The following STX8 variants were observed in gnomAD, a reference collection of about 807,000 sequenced individuals.
STX8 encodes the protein syntaxin-8.
A neutral mutation model predicts 37.5 loss-of-function variants in STX8; 23 were observed. The observed-to-expected ratio is 0.61, with a 90% CI of 0.44 to 0.87. The LOEUF is 0.87. STX8 is among the 40% of genes least tolerant of loss of function. STX8 has a pLI of 0.00. For missense variants in STX8, 313 were observed against 284.7 expected (o/e 1.10, Z -0.71); for synonymous variants, 115 against 99.1 (o/e 1.16, Z -0.95).
chr17:9,350,841 T>G (rs1381097124), intron 7 of STX8, among the ~76,000 whole-genome samples: 1 of 152,048 alleles, frequency 6.6e-6, no homozygotes, highest in African/African-American at 2.4e-5. Context: ...CCTAAAATGT[T>G]TTTATCTTTT....
At chr17:9,333,222 T>C (rs532415345) in intron 7 of STX8, among the ~76,000 whole-genome samples, 66 of 152,202 alleles carry the variant, frequency 4.3e-4, no homozygotes, top group Admixed American at 2.6e-3. Context: ...CAGTATCCAA[T>C]AGGTGGTTTT....
chr17:9,440,496 T>C (rs541834055), intron 6 of STX8, among the ~76,000 whole-genome samples: 3 of 151,928 alleles, frequency 2.0e-5, no homozygotes, highest in South Asian at 4.1e-4. Flanking sequence ...TTTCACATTA[T>C]TGCCCAATAC....
intron 7 of STX8, among the ~76,000 whole-genome samples, chr17:9,278,444 C>T (rs554174212): frequency 6.7e-6 from 1 of 150,224 alleles, no homozygotes; most frequent in Admixed American, 6.6e-5. Flanking sequence ...AGTGAAATTC[C>T]ATCTCAGAAA....
intron 7 of STX8, among the ~76,000 whole-genome samples, chr17:9,260,785 G>T (rs1244542281): frequency 6.6e-6 from 1 of 152,216 alleles, no homozygotes; most frequent in East Asian, 1.9e-4. Flanking sequence ...TGGAAACTCA[G>T]CCCTCTCCCC....
chr17:9,482,109 CCA>C (rs1173025252), intron 6 of STX8, among the ~76,000 whole-genome samples: 1 of 152,084 alleles, frequency 6.6e-6, no homozygotes, highest in Admixed American at 6.6e-5. Flanking sequence ...GAGCTCCAGG[CCA>C]CAGTGTACCA....
At chr17:9,488,510 G>T (rs559767554) in intron 6 of STX8, among the ~76,000 whole-genome samples, 2 of 152,202 alleles carry the variant, frequency 1.3e-5, no homozygotes, top group East Asian at 3.9e-4. Flanking sequence ...TATCTGGGTG[G>T]GCCCAATGTC....
chr17:9,324,547 G>A (rs879756720), intron 7 of STX8, among the ~76,000 whole-genome samples: 45 of 151,982 alleles, frequency 3.0e-4, no homozygotes, highest in Non-Finnish European at 5.0e-4. Context: ...AGGATCACCT[G>A]AGGTCAGGAG....
chr17:9,467,676 C>G (rs990441748), intron 6 of STX8, among the ~76,000 whole-genome samples: 5 of 152,110 alleles, frequency 3.3e-5, no homozygotes, highest in African/African-American at 9.7e-5. Flanking sequence ...CAGGGGAAAC[C>G]CTTTCCCCTG....
chr17:9,346,038 G>T (rs983655927), intron 7 of STX8, among the ~76,000 whole-genome samples: 6 of 152,016 alleles, frequency 3.9e-5, no homozygotes, highest in African/African-American at 1.4e-4. Flanking sequence ...TTTTAGTACA[G>T]ATGGGGTTTC....
intron 7 of STX8, among the ~76,000 whole-genome samples, chr17:9,314,341 A>G (rs1417840673): frequency 6.6e-6 from 1 of 152,174 alleles, no homozygotes; most frequent in Non-Finnish European, 1.5e-5. Context: ...CTATACTTAT[A>G]CTACAGACTT....
At chr17:9,527,470 A>C (rs910021805) in intron 4 of STX8, among the ~76,000 whole-genome samples, 7 of 152,114 alleles carry the variant, frequency 4.6e-5, no homozygotes, top group African/African-American at 1.7e-4. Flanking sequence ...AAATTAACAT[A>C]ATGAACTAAA....
intron 7 of STX8, among the ~76,000 whole-genome samples, chr17:9,372,474 T>A (rs1212680286): frequency 6.6e-6 from 1 of 152,016 alleles, no homozygotes; most frequent in Non-Finnish European, 1.5e-5. Flanking sequence ...TATTTTTATT[T>A]TTATTTATTA....
chr17:9,356,258 C>G (rs1434695423), intron 7 of STX8, among the ~76,000 whole-genome samples: 2 of 152,130 alleles, frequency 1.3e-5, no homozygotes, highest in African/African-American at 4.8e-5. Context: ...TTGGGGTTTG[C>G]AGAAATTCAC....
intron 4 of STX8, among the ~76,000 whole-genome samples, chr17:9,539,740 G>A (rs907187184): frequency 6.6e-6 from 1 of 151,546 alleles, no homozygotes; most frequent in Non-Finnish European, 1.5e-5. Flanking sequence ...AGAAGCAAAC[G>A]AAAATGTTGG....
intron 6 of STX8, among the ~76,000 whole-genome samples, chr17:9,467,965 A>G (rs959337974): frequency 6.6e-6 from 1 of 152,236 alleles, no homozygotes; most frequent in Non-Finnish European, 1.5e-5. Context: ...TTAATACAGA[A>G]GGTCCTAAAA....
intron 7 of STX8, among the ~76,000 whole-genome samples, chr17:9,257,103 C>T (rs1906827598): frequency 6.6e-6 from 1 of 152,186 alleles, no homozygotes; most frequent in Non-Finnish European, 1.5e-5. Flanking sequence ...CCTTCCAATA[C>T]TCAAGAGTCC....
intron 6 of STX8, among the ~76,000 whole-genome samples, chr17:9,381,409 A>G (rs1202857647): frequency 6.6e-6 from 1 of 152,194 alleles, no homozygotes; most frequent in East Asian, 1.9e-4. Flanking sequence ...TAAATTCTGA[A>G]GGCGACATGG....
chr17:9,551,411 A>G (rs1460218625), intron 3 of STX8, among the ~76,000 whole-genome samples: 1 of 152,212 alleles, frequency 6.6e-6, no homozygotes, highest in Admixed American at 6.5e-5. Flanking sequence ...GTAAATTCTC[A>G]ATGGTAGCTG....
At chr17:9,410,349 T>C (rs373144236) in intron 6 of STX8, among the ~76,000 whole-genome samples, 20 of 152,374 alleles carry the variant, frequency 1.3e-4, no homozygotes, top group East Asian at 1.2e-3. Context: ...CACTTTTTGC[T>C]AAAATTGTAC....
Sources: gnomAD v4.1 joint callset for allele counts (sites outside exome capture counted in the v4.1 genomes callset) on GRCh38, gnomAD v4.1.1 for gene constraint, MANE v1.5 for transcripts, NCBI Gene and HGNC (gene_info 2026-07-23, HGNC 2026-07-21) for gene names.